Variants in SPATA6L observed in about 807,000 individuals in gnomAD.
SPATA6L encodes spermatogenesis associated 6-like protein.
In SPATA6L, 68 loss-of-function variants were observed where a neutral mutation model predicts 49.2. The ratio of observed to expected loss-of-function variants is 1.38; its 90% CI spans 1.14 to 1.69. SPATA6L has a LOEUF of 1.69. SPATA6L is among the 40% of genes most tolerant of loss of function. SPATA6L has a pLI of 0.00. For missense variants in SPATA6L, 668 were observed against 464.3 expected (o/e 1.44, Z -4.03); for synonymous variants, 198 against 165.7 (o/e 1.19, Z -1.50).
chr9:4,624,154 TG>T (rs1268518024), intron 6 of SPATA6L, among the ~76,000 whole-genome samples: 2 of 152,218 alleles, frequency 1.3e-5, no homozygotes, highest in Non-Finnish European at 2.9e-5. Context: ...GTTAACATTC[TG>T]GAGAATAAGT....
rs562254061 is a variant in SPATA6L at position 4,646,493 on chromosome 9, G to T, written c.226+9548C>A. 6 of 1,517,726 alleles carry T rather than the reference G, an allele frequency of 4.0e-6. No homozygotes were observed. The East Asian group carries it at 1.5e-4, about 38-fold the overall frequency. 94.0% of individuals were successfully genotyped at this position (1,517,726 alleles called of 1,614,324 possible). A position where few individuals can be genotyped will look rare whatever the true frequency, so the allele number is the denominator to read the frequency against. On this transcript the variant is annotated intron_variant, in intron 3 of 11. Transcript: ENST00000682582. ...GGATTTACTGCCACATTACCTGGAGGAACTAGCTGTATTAATTCAAACCTG... is the reference window on the plus strand; with the variant it reads ...GGATTTACTGCCACATTACCTGGAGTAACTAGCTGTATTAATTCAAACCTG...
Position 4,605,950 on chromosome 9 carries a change from G to C in SPATA6L, c.996-510C>G, listed in dbSNP as rs958576512. ...AGACAGTGGGCGCAGGCCAGTGTGTGCGCGCACCGTGCGCGAGCCGAAGCA... is the reference window on the plus strand; with the variant it reads ...AGACAGTGGGCGCAGGCCAGTGTGTCCGCGCACCGTGCGCGAGCCGAAGCA... On this transcript the variant is annotated intron_variant, in intron 9 of 11. Transcript: ENST00000682582. Among the ~76,000 whole-genome samples the C allele has an allele frequency of 1.4e-4, 21 of 152,280 alleles. No homozygotes were observed. The East Asian group carries it at 3.9e-3, about 28-fold the overall frequency.
At chr9:4,597,655 G>A (rs1236722811), downstream of SPATA6L, among the ~76,000 whole-genome samples, 1 of 152,150 alleles carries the variant, frequency 6.6e-6, no homozygotes, top group African/African-American at 2.4e-5. Flanking sequence ...GTGGAGGATG[G>A]GGCTCCCAGG....
intron 3 of SPATA6L, among the ~76,000 whole-genome samples, chr9:4,647,373 C>T (rs1348970814): frequency 6.6e-6 from 1 of 152,128 alleles, no homozygotes; most frequent in African/African-American, 2.4e-5. Flanking sequence ...GAGCGGATCA[C>T]CTGACGTCAG....
chr9:4,601,542 C>T (rs376890445), intron 11 of SPATA6L, among the ~76,000 whole-genome samples: 2 of 152,186 alleles, frequency 1.3e-5, no homozygotes, highest in African/African-American at 2.4e-5. Flanking sequence ...TCTCCCTCTA[C>T]GTGGTCAGAC....
intron 3 of SPATA6L, among the ~76,000 whole-genome samples, chr9:4,638,671 T>C (rs1374147858): frequency 6.6e-6 from 1 of 152,154 alleles, no homozygotes; most frequent in African/African-American, 2.4e-5. Flanking sequence ...AACTCTGAAG[T>C]ACAACCTGCA....
Position 4,629,728 on chromosome 9 carries a change from T to A in SPATA6L, c.352-560A>T, listed in dbSNP as rs143273251. On this transcript the variant is annotated intron_variant, in intron 4 of 11. Coordinates refer to ENST00000682582, the MANE Select transcript of SPATA6L (RefSeq NM_001353486.2). ...TTTCTATTTTTTGTTCTTAGTACCATACTGTCTAAAATATTGTGTTTTATA... is the reference window on the plus strand; with the variant it reads ...TTTCTATTTTTTGTTCTTAGTACCAAACTGTCTAAAATATTGTGTTTTATA... 1.7e-3 allele frequency among the ~76,000 whole-genome samples: 252 copies of A among 148,588 alleles called. 1 individual carries two copies. Among genetic ancestry groups the A allele is most frequent in the African/African-American group, 5.9e-3 (236 of 40,232 alleles).
At position 4,618,033 on chromosome 9, in the gene SPATA6L, C is replaced by T; in HGVS notation, c.885G>A (p.Lys295=). The T allele has an allele frequency of 6.2e-7, 1 of 1,614,090 alleles. No homozygotes were observed. Among genetic ancestry groups the T allele is most frequent in the South Asian group, 1.1e-5 (1 of 91,066 alleles). ...CATCCCCTTGTTTACTGGATGAAGA[C>T]TTTCCAAACTGACTTGAATCTAAAC... ...SSCLDSSQFG[K]SSSSKQGDAD... The change falls in exon 9 of 12, where the codon AAG becomes AAA. Residue 295 remains lysine (K), a synonymous_variant. Coordinates refer to ENST00000682582, the MANE Select transcript of SPATA6L (RefSeq NM_001353486.2).
chr9:4,605,178 C>A (rs1189255654), intron 10 of SPATA6L, among the ~76,000 whole-genome samples, 169 bp downstream of exon 10: 1 of 152,170 alleles, frequency 6.6e-6, no homozygotes, highest in African/African-American at 2.4e-5. Flanking sequence ...ATGTCAAATA[C>A]CCGCTACCAT....
At chr9:4,616,731 A>G (rs576859937) in intron 9 of SPATA6L, among the ~76,000 whole-genome samples, 1 of 152,270 alleles carries the variant, frequency 6.6e-6, no homozygotes, top group Admixed American at 6.5e-5. Flanking sequence ...GATTACAGGC[A>G]TGCGCCACTA....
intron 13 of SPATA6L, among the ~76,000 whole-genome samples, chr9:4,593,017 T>G (rs1440556311): frequency 6.6e-6 from 1 of 152,242 alleles, no homozygotes; most frequent in African/African-American, 2.4e-5. Flanking sequence ...CATAGTCTCA[T>G]GCATTCTTCT....
chr9:4,652,523 C>G (rs560866918), intron 3 of SPATA6L, among the ~76,000 whole-genome samples: 2 of 152,204 alleles, frequency 1.3e-5, no homozygotes, highest in South Asian at 2.1e-4. Flanking sequence ...AAATGCAACA[C>G]TTGTAAACTG....
intron 2 of SPATA6L, among the ~76,000 whole-genome samples, chr9:4,657,951 C>T (rs1838688050): frequency 6.6e-6 from 1 of 152,116 alleles, no homozygotes; most frequent in African/African-American, 2.4e-5. Context: ...TGACTTCCCC[C>T]ACCCCCAATT....
intron 10 of SPATA6L, 27 bp from the exon 11 acceptor site, chr9:4,604,296 A>AT: frequency 2.0e-6 from 3 of 1,468,278 alleles, no homozygotes; most frequent in Non-Finnish European, 2.9e-6. Flanking sequence ...TCCAGCAATT[A>AT]TGTTACCCAT....
At chr9:4,647,254 C>G (rs989910461) in intron 3 of SPATA6L, among the ~76,000 whole-genome samples, 3 of 152,124 alleles carry the variant, frequency 2.0e-5, no homozygotes, top group African/African-American at 7.2e-5. Flanking sequence ...GTTTATCTTG[C>G]TTACAACATT....
chr9:4,623,494 G>A, intron 6 of SPATA6L, among the ~76,000 whole-genome samples: 1 of 151,890 alleles, frequency 6.6e-6, no homozygotes, highest in East Asian at 1.9e-4. Context: ...TAATAAGGCA[G>A]GTTATAATGT....
chr9:4,596,857 T>C (rs1822300319), downstream of SPATA6L, among the ~76,000 whole-genome samples: 1 of 152,158 alleles, frequency 6.6e-6, no homozygotes, highest in East Asian at 1.9e-4. Context: ...CAGAGCAGGG[T>C]TTGCAAACTG....
At chr9:4,594,041 T>C (rs748894137), downstream of SPATA6L, among the ~76,000 whole-genome samples, 4 of 152,212 alleles carry the variant, frequency 2.6e-5, no homozygotes, top group Non-Finnish European at 5.9e-5. Flanking sequence ...CAGCTGCCCT[T>C]GGTTTCTCCT....
intron 3 of SPATA6L, among the ~76,000 whole-genome samples, chr9:4,647,262 A>G (rs1173742076): frequency 6.6e-6 from 1 of 152,166 alleles, no homozygotes; most frequent in East Asian, 1.9e-4. Flanking sequence ...TGCTTACAAC[A>G]TTGTGCAATA....
Sources: allele counts gnomAD v4.1 joint callset (sites outside exome capture counted in the v4.1 genomes callset), GRCh38; gene constraint gnomAD v4.1.1; transcripts MANE v1.5; gene names NCBI Gene and HGNC (gene_info 2026-07-23, HGNC 2026-07-21).